CPSF4: variants seen among roughly 807,000 people sequenced by gnomAD.
CPSF4 encodes cleavage and polyadenylation specific factor 4.
A neutral mutation model predicts 37.7 loss-of-function variants in CPSF4; 11 were observed. The ratio of observed to expected loss-of-function variants is 0.29; its 90% CI spans 0.18 to 0.48. The LOEUF is 0.48. CPSF4 is among the 20% of genes least tolerant of loss of function. The probability of loss-of-function intolerance (pLI) is 0.99; values close to 1 mark genes in which losing one functional copy is unlikely to be tolerated. For synonymous variants in CPSF4, 132 were observed against 135.9 expected (o/e 0.97, Z 0.20); for missense variants, 144 against 359.5 (o/e 0.40, Z 4.85).
chr7:99,439,247 G>T (rs1796654775), intron 1 of CPSF4, 62 bp downstream of exon 1: 3 of 1,279,884 alleles, frequency 2.3e-6, no homozygotes, highest in Non-Finnish European at 3.2e-6. Context: ...GCTCCTCTGT[G>T]ATCCCGGGAC....
chr7:99,455,182 T>A (rs924621232), intron 7 of CPSF4, among the ~76,000 whole-genome samples: 1 of 152,216 alleles, frequency 6.6e-6, no homozygotes, highest in Non-Finnish European at 1.5e-5. Context: ...TCCTGGAGCC[T>A]TAGAAAGGTA....
At chr7:99,446,821 C>CTTTTTT (rs1797543686) in intron 2 of CPSF4, among the ~76,000 whole-genome samples, 1 of 73,560 alleles carries the variant, frequency 1.4e-5, no homozygotes. Flanking sequence ...CGGAGTTTTG[C>CTTTTTT]TCTTGTTGCC....
intron 1 of CPSF4, chr7:99,441,612 A>C (rs1348200241): frequency 2.3e-6 from 1 of 442,382 alleles, no homozygotes; most frequent in Non-Finnish European, 4.6e-6. Context: ...TCCACATGAG[A>C]CTCAGTTCCC....
At chr7:99,442,217 G>T (rs1797046845) in intron 1 of CPSF4, among the ~76,000 whole-genome samples, 1 of 152,188 alleles carries the variant, frequency 6.6e-6, no homozygotes, top group African/African-American at 2.4e-5. Flanking sequence ...TGATGCCAAG[G>T]TCAGTTTAGT....
intron 1 of CPSF4, chr7:99,443,109 T>G: frequency 1.2e-6 from 1 of 861,296 alleles, no homozygotes. Flanking sequence ...ATGACAGACT[T>G]TTGTTGGAAC....
Position 99,448,407 on chromosome 7 carries a change from TGCCAGCCTCA to T in CPSF4, c.307+141_307+150del. 1 of 935,590 alleles carries T rather than the reference TGCCAGCCTCA, an allele frequency of 1.1e-6. No homozygotes were observed. The highest frequency in any genetic ancestry group is 3.3e-4 in the Middle Eastern group (1 of 3,002). 58.0% of individuals were successfully genotyped at this position (935,590 alleles called of 1,614,324 possible). A position where few individuals can be genotyped will look rare whatever the true frequency, so the allele number is the denominator to read the frequency against. ...CTCAGAGGAGAACTCTGGCAGAACC[TGCCAGCCTCA>T]GCCAGCTTTTAGGGGACAGTGTGGC... is the stretch of plus-strand genomic sequence containing the variant. On this transcript the variant is annotated intron_variant, in intron 3 of 7. Coordinates refer to ENST00000292476, the MANE Select transcript of CPSF4 (RefSeq NM_006693.4). This position sits in a 1 kb window ranked among gnomAD's most constrained non-coding sequence, Gnocchi z 4.4.
chr7:99,451,049 G>A, intron 5 of CPSF4: 1 of 438,678 alleles, frequency 2.3e-6, no homozygotes, highest in Non-Finnish European at 4.1e-6. Context: ...TGGAAGCTGT[G>A]GGATACAGAC....
chr7:99,445,767 C>T (rs1797441489), intron 2 of CPSF4, among the ~76,000 whole-genome samples: 1 of 152,008 alleles, frequency 6.6e-6, no homozygotes, highest in Non-Finnish European at 1.5e-5. Flanking sequence ...GTCTGTAATC[C>T]CAGCTACTGG....
chr7:99,450,490 G>A, intron 4 of CPSF4, 119 bp downstream of exon 4: 2 of 787,376 alleles, frequency 2.5e-6, no homozygotes, highest in South Asian at 1.6e-5. Context: ...TCTGCAGCTA[G>A]CGGCTTTCTC....
chr7:99,453,752 G>T lies in CPSF4; in HGVS notation c.571-214G>T. 2 of 543,780 alleles carry T rather than the reference G, an allele frequency of 3.7e-6. No homozygotes were observed. The highest frequency in any genetic ancestry group is 6.5e-6 in the Non-Finnish European group (2 of 308,238). 33.7% of individuals were successfully genotyped at this position (543,780 alleles called of 1,614,324 possible). A position where few individuals can be genotyped will look rare whatever the true frequency, so the allele number is the denominator to read the frequency against. On this transcript the variant is annotated intron_variant, in intron 6 of 7. Coordinates refer to ENST00000292476, the MANE Select transcript of CPSF4 (RefSeq NM_006693.4). The surrounding 1 kb of genome is among the most constrained non-coding windows in gnomAD (Gnocchi z 4.7). ...TGTTTTGTTTTCTATTTTATTTTTC[G>T]TTTTTGTGTGTCTGCATGGTGTTTT...
At chr7:99,443,190 T>G in intron 1 of CPSF4, 1 of 782,164 alleles carries the variant, frequency 1.3e-6, no homozygotes, top group South Asian at 1.3e-5. Context: ...ACTGAATTGT[T>G]CGGCCCTCTT....
rs1367152936 is a variant in CPSF4, at chr7:99,444,854, G to C, written c.154+15G>C. ...CTGCGGCAAAGGTAAGAAACTCCGG[G>C]CTCCCTGATGTGCCTCCGGAGGCGC... On this transcript the variant is annotated intron_variant, in intron 2 of 7. Transcript: ENST00000292476. 1.4e-5 allele frequency: 22 copies of C among 1,612,668 alleles called. No individual in the cohort carries two copies. The highest frequency in any genetic ancestry group is 1.5e-5 in the Non-Finnish European group (18 of 1,179,460).
At chr7:99,447,118 C>T (rs1797571909) in intron 2 of CPSF4, among the ~76,000 whole-genome samples, 1 of 151,404 alleles carries the variant, frequency 6.6e-6, no homozygotes, top group Non-Finnish European at 1.5e-5. Flanking sequence ...GGCTTACTTA[C>T]TTACTTACTT....
At chr7:99,440,666 A>T (rs1796842799) in intron 1 of CPSF4, among the ~76,000 whole-genome samples, 5 of 85,360 alleles carry the variant, frequency 5.9e-5, no homozygotes, top group East Asian at 4.8e-4. Context: ...ATATATATAT[A>T]TATATATATT....
intron 7 of CPSF4, 190 bp from the exon 8 acceptor site, chr7:99,456,242 C>T (rs764641365): frequency 3.5e-4 from 217 of 621,770 alleles, no homozygotes; most frequent in Non-Finnish European, 2.5e-4. Context: ...CACCACTGCA[C>T]TTTCCATCCT....
intron 4 of CPSF4, 80 bp downstream of exon 4, chr7:99,450,451 G>C: frequency 9.9e-7 from 1 of 1,007,992 alleles, no homozygotes; most frequent in South Asian, 1.4e-5. Context: ...GCTGCCAGCT[G>C]GTCTACCTGT....
chr7:99,445,052 T>G (rs1285462984), intron 2 of CPSF4, among the ~76,000 whole-genome samples: 1 of 152,206 alleles, frequency 6.6e-6, no homozygotes, highest in African/African-American at 2.4e-5. Flanking sequence ...TAAGGCTGCC[T>G]TATCACTTCG....
chr7:99,453,529 G>C lies in CPSF4; in HGVS notation c.571-437G>C, dbSNP rs757408149. On this transcript the variant is annotated intron_variant, in intron 6 of 7. Coordinates refer to ENST00000292476, the MANE Select transcript of CPSF4 (RefSeq NM_006693.4). The surrounding 1 kb of genome is among the most constrained non-coding windows in gnomAD (Gnocchi z 4.7). ...CCTCCTGGTGGGGCTCCCTAGAGGA[G>C]GGTCCTCTCAGCCCGAGAACGCAGC... 1.2e-4 allele frequency: 18 copies of C among 154,134 alleles called. No homozygotes were observed. Among genetic ancestry groups the C allele is most frequent in the Non-Finnish European group, 2.4e-4 (17 of 69,484 alleles). 9.5% of individuals were successfully genotyped at this position (154,134 alleles called of 1,614,324 possible). A position where few individuals can be genotyped will look rare whatever the true frequency, so the allele number is the denominator to read the frequency against.
At chr7:99,454,862 C>T (rs1798196226) in intron 7 of CPSF4, among the ~76,000 whole-genome samples, 1 of 152,166 alleles carries the variant, frequency 6.6e-6, no homozygotes, top group South Asian at 2.1e-4. Flanking sequence ...ACAATTCCTA[C>T]AGCTGGAGTT....
Sources: allele counts gnomAD v4.1 joint callset (sites outside exome capture counted in the v4.1 genomes callset), GRCh38; gene constraint gnomAD v4.1.1; non-coding constraint Gnocchi (gnomAD v3.1); transcripts MANE v1.5; gene names NCBI Gene and HGNC (gene_info 2026-07-23, HGNC 2026-07-21).